FAM120B: variants seen among roughly 807,000 people sequenced by gnomAD.
FAM120B encodes the protein family with sequence similarity 120 member B, also known as constitutive coactivator of peroxisome proliferator-activated receptor gamma.
In FAM120B, 83 loss-of-function variants were observed where a neutral mutation model predicts 96.3. That is an observed-to-expected ratio of 0.86 (90% CI 0.72 to 1.03). FAM120B has a LOEUF of 1.03. FAM120B is among the 50% of genes least tolerant of loss of function. The pLI is 0.00. For synonymous variants in FAM120B, 407 were observed against 402.7 expected, an observed-to-expected ratio of 1.01 and a Z score of -0.13; for missense variants, 1,027 against 1,121.2, an observed-to-expected ratio of 0.92 and a Z score of 1.20.
chr6:170,395,642 T>G, intron 9 of FAM120B, 63 bp downstream of exon 9: 1 of 1,237,464 alleles, frequency 8.1e-7, no homozygotes, highest in Non-Finnish European at 1.2e-6. Context: ...ACCTTGTGCT[T>G]TTGCTGATAA....
At position 170,318,823 on chromosome 6, in the gene FAM120B, G is replaced by T; in HGVS notation, c.1433G>T (p.Gly478Val). 3.1e-6 allele frequency: 5 copies of T among 1,613,260 alleles called. No homozygotes were observed. The highest frequency in any genetic ancestry group is 3.4e-6 in the Non-Finnish European group (4 of 1,179,812). ...AGGCAAGAAGTTCCCATGTATACAG[G>T]CCCTGAATCCAGGCAAGAAGTTTTA... is the stretch of plus-strand genomic sequence containing the variant. The part of the protein sequence containing the change: ...ESRQEVPMYT[G>V]PESRQEVLIR... Residue 478 changes from glycine (G) to valine (V), a missense_variant, in exon 2 of 11, where the codon GGC becomes GTC. Around this residue, in one of 3 missense-constraint regions of FAM120B, gnomAD observed 880 missense variants for 980.9 expected, o/e 0.90. Transcript: ENST00000476287.
intron 4 of FAM120B, among the ~76,000 whole-genome samples, chr6:170,334,484 C>G (rs1786280204): frequency 6.6e-6 from 1 of 152,012 alleles, no homozygotes; most frequent in South Asian, 2.1e-4. Flanking sequence ...ATCCTTGTTG[C>G]AAGGTCAGTC....
In FAM120B at chr6:170,317,544, T is replaced by G. The variant is rs777830014; in HGVS notation, c.154T>G (p.Trp52Gly). ...TGATGCCATGTGTTGTCTCAGATAT[T>G]GGTATACTCCAGAATCTTGGATCTG... ...VVDAMCCLRY[W>G]YTPESWICGG... The change falls in exon 2 of 11, where the codon TGG (tryptophan) becomes GGG (glycine). Residue 52 changes from tryptophan (W) to glycine (G), a missense_variant. By Grantham distance (184) the Trp-to-Gly change is radical. This residue lies in a region of FAM120B where 880 missense variants were observed against 980.9 expected (regional missense o/e 0.90). Transcript: ENST00000476287. The G allele has an allele frequency of 6.2e-7, 1 of 1,614,218 alleles. No individual in the cohort carries two copies. The highest frequency in any genetic ancestry group is 8.5e-7 in the Non-Finnish European group (1 of 1,180,040).
Position 170,363,139 on chromosome 6 carries a change from C to T in FAM120B, c.2283+4821C>T, listed in dbSNP as rs1788568128. 1.3e-5 allele frequency among the ~76,000 whole-genome samples: 2 copies of T among 152,102 alleles called. No individual in the cohort carries two copies. The highest frequency in any genetic ancestry group is 6.5e-5 in the Admixed American group (1 of 15,268). On this transcript the variant is annotated intron_variant, in intron 6 of 10. Transcript: ENST00000476287. The surrounding 1 kb of genome is among the most constrained non-coding windows in gnomAD (Gnocchi z 4.5). ...CCTCCTGCTGGCTTTGTCTCCAGCC[C>T]GCTCTCCAGGTGGAGGCTCTGACTG...
intron 4 of FAM120B, among the ~76,000 whole-genome samples, chr6:170,333,719 C>T (rs543318355): frequency 6.6e-6 from 1 of 152,258 alleles, no homozygotes; most frequent in Admixed American, 6.5e-5. Flanking sequence ...CTCCTGGCCG[C>T]AAATGATCCT....
intron 10 of FAM120B, 69 bp from the exon 11 acceptor site, chr6:170,404,694 C>G: frequency 1.0e-6 from 1 of 981,498 alleles, no homozygotes; most frequent in East Asian, 2.5e-5. Context: ...GTAAACAGAA[C>G]TCAGATATTG....
intron 4 of FAM120B, among the ~76,000 whole-genome samples, chr6:170,342,237 TACTC>T (rs1205967169): frequency 1.3e-5 from 2 of 152,196 alleles, no homozygotes; most frequent in African/African-American, 4.8e-5. Flanking sequence ...GCTAAATAAA[TACTC>T]ACTTAAATTG....
intron 4 of FAM120B, among the ~76,000 whole-genome samples, chr6:170,336,391 T>G (rs1202375542): frequency 6.6e-6 from 1 of 152,198 alleles, no homozygotes; most frequent in Non-Finnish European, 1.5e-5. Flanking sequence ...GCCTTTGGTC[T>G]ATATATCTGT....
rs548646980 is a variant in FAM120B, at chr6:170,363,235, G to T, written c.2283+4917G>T. 1.3e-5 allele frequency among the ~76,000 whole-genome samples: 2 copies of T among 152,244 alleles called. No individual in the cohort carries two copies. The highest frequency in any genetic ancestry group is 1.3e-4 in the Admixed American group (2 of 15,302). ...GCTGGTACCTTAGCCACTTTTTCTA[G>T]TGCCTCATAGCTAATCATTGGGAAG... On this transcript the variant is annotated intron_variant, in intron 6 of 10. Transcript: ENST00000476287. This position sits in a 1 kb window ranked among gnomAD's most constrained non-coding sequence, Gnocchi z 4.5.
At chr6:170,341,120 C>A (rs960621551) in intron 4 of FAM120B, among the ~76,000 whole-genome samples, 2 of 152,226 alleles carry the variant, frequency 1.3e-5, no homozygotes, top group African/African-American at 2.4e-5. Context: ...CCCCCTTCCC[C>A]CAGGTGCTCT....
intron 4 of FAM120B, among the ~76,000 whole-genome samples, chr6:170,338,437 C>T (rs544487461): frequency 3.3e-5 from 5 of 152,124 alleles, no homozygotes; most frequent in East Asian, 1.9e-4. Context: ...TGCTGAGGTG[C>T]GTTTTACTTC....
chr6:170,385,087 A>G (rs1790115735), intron 6 of FAM120B, among the ~76,000 whole-genome samples: 1 of 152,248 alleles, frequency 6.6e-6, no homozygotes, highest in South Asian at 2.1e-4. Context: ...TGACTAGATG[A>G]CAGCTCATAA....
Position 170,329,134 on chromosome 6 carries a change from T to A in FAM120B, c.1916-1315T>A, listed in dbSNP as rs375187534. ...GAGTCTTACCCTATATCCTGATAGC[T>A]CTCTCTTCAGCCAGAGTCTAAAGGG... On this transcript the variant is annotated intron_variant, in intron 3 of 10. Coordinates refer to ENST00000476287, the MANE Select transcript of FAM120B (RefSeq NM_032448.3). Among the ~76,000 whole-genome samples, 212 of 152,316 alleles carry A rather than the reference T, an allele frequency of 1.4e-3. 4 individuals are homozygous for A. The South Asian group carries it at 0.041, about 29-fold the overall frequency.
intron 6 of FAM120B, among the ~76,000 whole-genome samples, chr6:170,361,475 TA>T (rs1477142614): frequency 6.6e-6 from 1 of 151,976 alleles, no homozygotes; most frequent in African/African-American, 2.4e-5. Context: ...ACATGACTTT[TA>T]AAAGTAAAGG....
intron 6 of FAM120B, among the ~76,000 whole-genome samples, chr6:170,375,267 A>C (rs1419790657): frequency 6.6e-6 from 1 of 152,272 alleles, no homozygotes. Flanking sequence ...ATCACACAGC[A>C]CATAGGCAAC....
At chr6:170,336,578 G>A (rs1368184397) in intron 4 of FAM120B, among the ~76,000 whole-genome samples, 1 of 152,170 alleles carries the variant, frequency 6.6e-6, no homozygotes, top group African/African-American at 2.4e-5. Context: ...GAAAGTCAAT[G>A]TTAGCTTGGT....
chr6:170,358,015 C>T (rs540583937), intron 5 of FAM120B, among the ~76,000 whole-genome samples: 4 of 151,930 alleles, frequency 2.6e-5, no homozygotes, highest in East Asian at 3.9e-4. Flanking sequence ...CATGTGTGCC[C>T]ATGTGTGTGT....
intron 8 of FAM120B, among the ~76,000 whole-genome samples, chr6:170,392,799 C>A (rs972313626): frequency 6.6e-6 from 1 of 152,186 alleles, no homozygotes; most frequent in Non-Finnish European, 1.5e-5. Context: ...CGTAGCACCC[C>A]ATGAAGGGAG....
At chr6:170,344,700 C>G (rs544966893) in intron 4 of FAM120B, among the ~76,000 whole-genome samples, 1 of 152,214 alleles carries the variant, frequency 6.6e-6, no homozygotes, top group Non-Finnish European at 1.5e-5. Context: ...CTAATCGTTG[C>G]GTGGATCCAT....
Sources: gnomAD v4.1 joint callset for allele counts (sites outside exome capture counted in the v4.1 genomes callset) on GRCh38, gnomAD v4.1.1 for gene constraint, gnomAD v4.1.1 regional missense constraint, Gnocchi (gnomAD v3.1) non-coding constraint, MANE v1.5 for transcripts, NCBI Gene and HGNC (gene_info 2026-07-23, HGNC 2026-07-21) for gene names.